The following ROBO1 variants were observed in gnomAD, a reference collection of about 807,000 sequenced individuals.
ROBO1 encodes roundabout homolog 1.
In ROBO1, 149 loss-of-function variants were observed where a neutral mutation model predicts 195.9. That is an observed-to-expected ratio of 0.76 (90% CI 0.67 to 0.87). ROBO1 has a LOEUF of 0.87. ROBO1 is among the 40% of genes least tolerant of loss of function. The probability of loss-of-function intolerance (pLI) is 0.00; values close to 1 mark genes in which losing one functional copy is unlikely to be tolerated. For missense variants in ROBO1, 1,933 were observed against 2,068.3 expected, an observed-to-expected ratio of 0.93 and a Z score of 1.27; for synonymous variants, 816 against 733.2, an observed-to-expected ratio of 1.11 and a Z score of -1.82.
At chr3:79,628,645 C>T (rs1945253433) in intron 1 of ROBO1, among the ~76,000 whole-genome samples, 1 of 152,050 alleles carries the variant, frequency 6.6e-6, no homozygotes. Context: ...CCTTACATAT[C>T]AACACTAACC....
intron 4 of ROBO1, among the ~76,000 whole-genome samples, chr3:78,877,177 A>C (rs2035903809): frequency 6.6e-6 from 1 of 152,180 alleles, no homozygotes; most frequent in African/African-American, 2.4e-5. Context: ...GTAATACTAG[A>C]CTTGGTAATT....
intron 2 of ROBO1, among the ~76,000 whole-genome samples, chr3:79,503,710 G>C (rs957374451): frequency 4.6e-5 from 7 of 152,208 alleles, no homozygotes; most frequent in Non-Finnish European, 8.8e-5. Flanking sequence ...AATTGTCTCT[G>C]AGAAATCTGT....
chr3:78,951,082 GATATAT>G (rs909730940), intron 3 of ROBO1, among the ~76,000 whole-genome samples: 41 of 151,184 alleles, frequency 2.7e-4, no homozygotes, highest in South Asian at 8.3e-4. Flanking sequence ...CTATATCATA[GATATAT>G]ATAACTCTGA....
intron 1 of ROBO1, among the ~76,000 whole-genome samples, chr3:79,695,584 T>A (rs1947421105): frequency 6.6e-6 from 1 of 151,320 alleles, no homozygotes; most frequent in Non-Finnish European, 1.5e-5. Flanking sequence ...GAGAACAGAA[T>A]AAGAACTACC....
intron 2 of ROBO1, among the ~76,000 whole-genome samples, chr3:79,539,508 T>C (rs542507961): frequency 5.9e-5 from 9 of 152,190 alleles, no homozygotes; most frequent in Middle Eastern, 3.4e-3. Context: ...ATTATTTTCA[T>C]TTTCAATTAT....
chr3:79,665,198 A>G (rs957333077), intron 1 of ROBO1, among the ~76,000 whole-genome samples: 2 of 152,104 alleles, frequency 1.3e-5, no homozygotes, highest in South Asian at 4.1e-4. Context: ...TTGAAATGCT[A>G]TATACATCTG....
chr3:79,569,980 AG>A (rs150085074), intron 2 of ROBO1, among the ~76,000 whole-genome samples: 13,817 of 152,056 alleles, frequency 0.091, 648 homozygotes, highest in Middle Eastern at 0.16. Flanking sequence ...GTTCACCTGT[AG>A]TCCCAGCTAG....
intron 5 of ROBO1, among the ~76,000 whole-genome samples, chr3:78,729,625 A>G (rs958208216): frequency 1.6e-4 from 24 of 152,326 alleles, no homozygotes; most frequent in African/African-American, 5.8e-4. Flanking sequence ...AATGGAGAGC[A>G]GATGAAACAG....
chr3:78,979,141 T>C (rs1256475591), intron 3 of ROBO1, among the ~76,000 whole-genome samples: 1 of 152,184 alleles, frequency 6.6e-6, no homozygotes, highest in Non-Finnish European at 1.5e-5. Flanking sequence ...CCATGCCTCA[T>C]GGCTTTCAGG....
chr3:79,412,294 T>C (rs2037801378), intron 2 of ROBO1, among the ~76,000 whole-genome samples: 1 of 152,184 alleles, frequency 6.6e-6, no homozygotes, highest in East Asian at 1.9e-4. Flanking sequence ...CTGACAGTTT[T>C]CTCTGGTCTT....
At chr3:79,609,489 A>G (rs1432238071) in intron 1 of ROBO1, among the ~76,000 whole-genome samples, 2 of 151,982 alleles carry the variant, frequency 1.3e-5, no homozygotes, top group African/African-American at 4.8e-5. Flanking sequence ...TGATTCAGAA[A>G]TGCCACTTCT....
At chr3:79,407,328 C>T (rs938756454) in intron 2 of ROBO1, among the ~76,000 whole-genome samples, 8 of 152,102 alleles carry the variant, frequency 5.3e-5, no homozygotes, top group Admixed American at 1.3e-4. Flanking sequence ...CTCACAGTCT[C>T]GGGGCCTTGC....
At chr3:78,898,644 C>T (rs555785306) in intron 4 of ROBO1, among the ~76,000 whole-genome samples, 10 of 151,914 alleles carry the variant, frequency 6.6e-5, no homozygotes, top group African/African-American at 2.4e-4. Flanking sequence ...CCACCTCGGC[C>T]TCCCAAAGTG....
chr3:79,187,557 G>A (rs1161645507), intron 2 of ROBO1, among the ~76,000 whole-genome samples: 5 of 151,918 alleles, frequency 3.3e-5, no homozygotes, highest in Non-Finnish European at 7.4e-5. Flanking sequence ...TCAGTCACTC[G>A]AGGGGGAGTC....
chr3:79,760,961 A>T (rs1704666776), intron 1 of ROBO1, among the ~76,000 whole-genome samples: 1 of 151,304 alleles, frequency 6.6e-6, no homozygotes, highest in Non-Finnish European at 1.5e-5. Context: ...GTGCCAAAAA[A>T]TTGCTACAGT....
chr3:79,211,887 A>C (rs1809208), intron 2 of ROBO1, among the ~76,000 whole-genome samples: 112,816 of 152,120 alleles, frequency 0.74, 47,059 homozygotes, highest in East Asian at 1. Context: ...GGTGTCTCAC[A>C]GCCTTCAGAG....
At chr3:79,229,436 A>C (rs956834249) in intron 2 of ROBO1, among the ~76,000 whole-genome samples, 1 of 152,116 alleles carries the variant, frequency 6.6e-6, no homozygotes, top group African/African-American at 2.4e-5. Context: ...CTATGTGTAT[A>C]ATAAGATAAC....
chr3:78,714,601 C>CA lies in ROBO1; in HGVS notation c.918-78dup, dbSNP rs537244424. On this transcript the variant is annotated intron_variant, in intron 7 of 30. Transcript: ENST00000464233. ...TCTCATTATTATACACACAATGCTT[C>CA]AAAGCACATGCTACATTCTTTTCTG... The CA allele has an allele frequency of 3.4e-5, 44 of 1,306,744 alleles. 1 individual carries two copies. In the South Asian group the frequency reaches 5.3e-4, roughly 16 times the overall value. The allele number at this position is 1,306,744 out of a possible 1,614,324, so 80.9% of individuals were successfully genotyped here.
chr3:78,826,723 T>A (rs1395193896), intron 4 of ROBO1, among the ~76,000 whole-genome samples: 1 of 152,186 alleles, frequency 6.6e-6, no homozygotes, highest in East Asian at 1.9e-4. Context: ...AGTTCTCCAA[T>A]CCTGGCTTCA....
Sources: gnomAD v4.1 joint callset for allele counts (sites outside exome capture counted in the v4.1 genomes callset) on GRCh38, gnomAD v4.1.1 for gene constraint, MANE v1.5 for transcripts, NCBI Gene and HGNC (gene_info 2026-07-23, HGNC 2026-07-21) for gene names.